The following GSE1 variants were observed in gnomAD, a reference collection of about 807,000 sequenced individuals.
GSE1 encodes Gse1 coiled-coil protein, also known as genetic suppressor element 1.
In GSE1, 32 loss-of-function variants were observed where a neutral mutation model predicts 112.6. The ratio of observed to expected loss-of-function variants is 0.28; its 90% CI spans 0.21 to 0.38. GSE1 has a LOEUF of 0.38. Among genes scored for constraint, GSE1 ranks in the 10% least tolerant of loss-of-function variants. The probability of loss-of-function intolerance (pLI) is 1.00; values close to 1 mark genes in which losing one functional copy is unlikely to be tolerated. For synonymous variants in GSE1, 1,115 were observed against 735.6 expected (o/e 1.52, Z -8.35); for missense variants, 2,348 against 1,699.2 (o/e 1.38, Z -6.71).
rs114080888 is a variant in GSE1, at chr16:85,485,662, C to T, written c.2464+128019C>T. ...CGGATTAAAGCCGTGCGCAGCCCGCCGGGCCAGCTTGTCACTCGCGAGGTG... is the reference window on the plus strand; with the variant it reads ...CGGATTAAAGCCGTGCGCAGCCCGCTGGGCCAGCTTGTCACTCGCGAGGTG... On this transcript the variant is annotated intron_variant, in intron 2 of 2. Transcript: ENST00000637419. Among the ~76,000 whole-genome samples, 581 of 152,362 alleles carry T rather than the reference C, an allele frequency of 3.8e-3. 5 individuals carry two copies. Among genetic ancestry groups the T allele is most frequent in the African/African-American group, 0.013 (540 of 41,594 alleles).
At chr16:85,442,685 C>G (rs113327286) in intron 2 of GSE1, among the ~76,000 whole-genome samples, 1 of 152,172 alleles carries the variant, frequency 6.6e-6, no homozygotes, top group African/African-American at 2.4e-5. Flanking sequence ...GTGAGCCAGG[C>G]GACCCATCAG....
At chr16:85,442,025 C>A (rs1344009621) in intron 2 of GSE1, among the ~76,000 whole-genome samples, 1 of 152,218 alleles carries the variant, frequency 6.6e-6, no homozygotes, top group Non-Finnish European at 1.5e-5. Flanking sequence ...CCACGTGGGC[C>A]CCTGCTGCAG....
At chr16:85,516,747 A>G (rs564296253) in intron 2 of GSE1, among the ~76,000 whole-genome samples, 11 of 150,556 alleles carry the variant, frequency 7.3e-5, no homozygotes, top group African/African-American at 2.4e-4. Flanking sequence ...AGCGTTACCT[A>G]CTAACCTACT....
In GSE1 at chr16:85,219,717, C is replaced by T. The variant is rs530152654; in HGVS notation, c.2283+47910C>T. On this transcript the variant is annotated intron_variant, in intron 1 of 2. Coordinates refer to the GSE1 transcript ENST00000637419. ...CCTGTGGTCATTTCTTTTCTTCTTG[C>T]GTTTTCCAGAATTGTATTTGGAGCC... is the stretch of plus-strand genomic sequence containing the variant. 8.5e-5 allele frequency among the ~76,000 whole-genome samples: 13 copies of T among 152,330 alleles called. No homozygotes were observed. The South Asian group carries it at 1.7e-3, about 19-fold the overall frequency.
intron 13 of GSE1, among the ~76,000 whole-genome samples, chr16:85,667,553 A>T (rs977468246): frequency 6.6e-5 from 10 of 152,214 alleles, no homozygotes; most frequent in African/African-American, 2.4e-4. Flanking sequence ...CTGACTATAG[A>T]CCAAGCTCAA....
intron 2 of GSE1, among the ~76,000 whole-genome samples, chr16:85,420,330 T>C (rs1425823362): frequency 6.6e-6 from 1 of 152,168 alleles, no homozygotes; most frequent in Admixed American, 6.5e-5. Context: ...ATTTCCAACT[T>C]TGGGTGTCCA....
chr16:85,655,002 C>T lies in GSE1; in HGVS notation c.797+11C>T, dbSNP rs1301237423. On this transcript the variant is annotated intron_variant, in intron 5 of 15. Transcript: ENST00000253458. ...CCACCCGGCCTTCAGGTGAGGCATC[C>T]CCCACGCGCCCTCTCGTCTAGGTGC... 4 of 1,512,060 alleles carry T rather than the reference C, an allele frequency of 2.6e-6. No individual in the cohort carries two copies. Among genetic ancestry groups the T allele is most frequent in the African/African-American group, 1.4e-5 (1 of 73,348 alleles). The allele number at this position is 1,512,060 out of a possible 1,614,324, so 93.7% of individuals were successfully genotyped here.
At chr16:85,189,861 G>A (rs2074785732) in intron 1 of GSE1, among the ~76,000 whole-genome samples, 1 of 152,098 alleles carries the variant, frequency 6.6e-6, no homozygotes, top group Admixed American at 6.5e-5. Flanking sequence ...CTGTAATGAT[G>A]TCCCCCCTTT....
At chr16:85,438,681 TG>T (rs939514718) in intron 2 of GSE1, among the ~76,000 whole-genome samples, 5 of 152,340 alleles carry the variant, frequency 3.3e-5, no homozygotes, top group Admixed American at 3.3e-4. Flanking sequence ...CTTGGGCCTC[TG>T]TTTTTTGAAT....
intron 1 of GSE1, among the ~76,000 whole-genome samples, chr16:85,183,487 C>T (rs2074637490): frequency 1.3e-5 from 2 of 152,218 alleles, no homozygotes; most frequent in Admixed American, 6.5e-5. Flanking sequence ...GGCACCCAGA[C>T]TCCTCCCTGC....
chr16:85,465,379 G>A (rs1185119278), intron 2 of GSE1, among the ~76,000 whole-genome samples: 1 of 152,184 alleles, frequency 6.6e-6, no homozygotes, highest in Non-Finnish European at 1.5e-5. Context: ...GCCAGGCCTG[G>A]GCTCCCATCT....
intron 2 of GSE1, among the ~76,000 whole-genome samples, chr16:85,359,137 T>C (rs1426629893): frequency 6.6e-6 from 1 of 152,148 alleles, no homozygotes; most frequent in Non-Finnish European, 1.5e-5. Flanking sequence ...GGGTGGCAGC[T>C]CAGGCTGGGT....
chr16:85,353,007 G>A (rs1038749271), intron 1 of GSE1, among the ~76,000 whole-genome samples: 1 of 152,206 alleles, frequency 6.6e-6, no homozygotes, highest in Non-Finnish European at 1.5e-5. Flanking sequence ...TCAGCTCTCT[G>A]TTGCTGTGTA....
chr16:85,181,476 G>A (rs543621754), intron 1 of GSE1, among the ~76,000 whole-genome samples: 3 of 152,282 alleles, frequency 2.0e-5, no homozygotes, highest in South Asian at 2.1e-4. Context: ...CCCTGGTGGG[G>A]GCCTGGCTTC....
chr16:85,254,240 C>T (rs555525321), intron 1 of GSE1, among the ~76,000 whole-genome samples: 7 of 152,262 alleles, frequency 4.6e-5, no homozygotes, highest in Admixed American at 1.3e-4. Flanking sequence ...TTGGCAGAGC[C>T]GGCACTGGAG....
chr16:85,203,463 AGGGAG>A (rs1021794969), intron 1 of GSE1, among the ~76,000 whole-genome samples: 5 of 152,094 alleles, frequency 3.3e-5, no homozygotes, highest in African/African-American at 1.2e-4. Context: ...GTGGCCCCTC[AGGGAG>A]GGGTTGGATG....
chr16:85,581,300 G>A (rs1183520553), intron 1 of GSE1, among the ~76,000 whole-genome samples: 1 of 152,188 alleles, frequency 6.6e-6, no homozygotes, highest in Non-Finnish European at 1.5e-5. Flanking sequence ...CCCAGGAAAT[G>A]AGGAAGGTTG....
chr16:85,259,304 TGGCCCACCCTGTGCTCCACCC>T (rs1907421213), intron 1 of GSE1, among the ~76,000 whole-genome samples: 1 of 151,512 alleles, frequency 6.6e-6, no homozygotes, highest in African/African-American at 2.4e-5. Flanking sequence ...TGCTCCACCC[TGGCCCACCCTGTGCTCCACCC>T]TGGCCCACCC....
In GSE1 at chr16:85,635,299, G is replaced by GGGC. The variant is rs142402521; in HGVS notation, c.226+1168_226+1170dup. 3.2e-3 allele frequency among the ~76,000 whole-genome samples: 492 copies of GGGC among 152,274 alleles called. 2 individuals carry two copies. The highest frequency in any genetic ancestry group is 0.011 in the African/African-American group (467 of 41,546). On this transcript the variant is annotated intron_variant, in intron 2 of 15. Coordinates refer to ENST00000253458, the MANE Select transcript of GSE1 (RefSeq NM_014615.5). ...GGGGTCTGGTTTCCGTACCACCAGGGGGCAGCCCCTCGCCTCCTGGCTCTT... is the reference window on the plus strand; with the variant it reads ...GGGGTCTGGTTTCCGTACCACCAGGGGGCGGCAGCCCCTCGCCTCCTGGCTCTT...
Sources: gnomAD v4.1 joint callset for allele counts (sites outside exome capture counted in the v4.1 genomes callset) on GRCh38, gnomAD v4.1.1 for gene constraint, MANE v1.5 for transcripts, NCBI Gene and HGNC (gene_info 2026-07-23, HGNC 2026-07-21) for gene names.